The following KCNH5 variants were observed in gnomAD, a reference collection of about 807,000 sequenced individuals.
The protein encoded by KCNH5 is potassium voltage-gated channel subfamily H member 5.
A neutral mutation model predicts 96.1 loss-of-function variants in KCNH5; 46 were observed. The ratio of observed to expected loss-of-function variants is 0.48; its 90% confidence interval spans 0.38 to 0.61. The LOEUF is 0.61. Ranked by LOEUF, KCNH5 falls within the 20% of genes least tolerant of loss-of-function variation. The pLI is 0.00. For missense variants in KCNH5, 907 were observed against 1,225.8 expected, an observed-to-expected ratio of 0.74 and a Z score of 3.88; for synonymous variants, 439 against 449.8, an observed-to-expected ratio of 0.98 and a Z score of 0.30.
chr14:62,736,073 T>C (rs1339385271), intron 10 of KCNH5, among the ~76,000 whole-genome samples: 2 of 152,200 alleles, frequency 1.3e-5, no homozygotes, highest in Non-Finnish European at 2.9e-5. Context: ...AGTCGATAAA[T>C]TGCTGTTTGT....
chr14:62,820,183 G>C (rs1483505522), intron 8 of KCNH5, among the ~76,000 whole-genome samples: 1 of 152,110 alleles, frequency 6.6e-6, no homozygotes, highest in East Asian at 1.9e-4. Context: ...TAAAAGGAAT[G>C]CTTGGGGAAC....
chr14:62,743,244 A>G lies in KCNH5; in HGVS notation c.2020-34789T>C, dbSNP rs570723908. Among the ~76,000 whole-genome samples, 3 of 152,302 alleles carry G rather than the reference A, an allele frequency of 2.0e-5. No individual in the cohort carries two copies. In the South Asian group the frequency reaches 6.2e-4, roughly 32 times the overall value. ...TAAAAGTATAATGGGCCTCACCCCT[A>G]GAGATTCTAATTTAAATTAGTTTGG... On this transcript the variant is annotated intron_variant, in intron 10 of 10. Coordinates refer to ENST00000322893, the MANE Select transcript of KCNH5 (RefSeq NM_139318.5).
chr14:62,806,528 A>G (rs959760643), intron 8 of KCNH5, among the ~76,000 whole-genome samples: 3 of 152,202 alleles, frequency 2.0e-5, no homozygotes, highest in Non-Finnish European at 4.4e-5. Flanking sequence ...TACAGAAGGG[A>G]CGATACTGAA....
At chr14:62,846,457 C>A (rs926416673) in intron 8 of KCNH5, among the ~76,000 whole-genome samples, 6 of 151,838 alleles carry the variant, frequency 4.0e-5, no homozygotes, top group African/African-American at 1.5e-4. Context: ...TTAATATGTA[C>A]AAAGATAAAT....
At chr14:62,915,440 T>C (rs1889255020) in intron 7 of KCNH5, among the ~76,000 whole-genome samples, 1 of 152,208 alleles carries the variant, frequency 6.6e-6, no homozygotes, top group Admixed American at 6.5e-5. Context: ...ATGCTTATAT[T>C]CTTTCCCAGT....
At chr14:62,833,327 A>G (rs370319667) in intron 8 of KCNH5, among the ~76,000 whole-genome samples, 1 of 151,890 alleles carries the variant, frequency 6.6e-6, no homozygotes, top group African/African-American at 2.4e-5. Flanking sequence ...TATGTATAAT[A>G]TAGGGGTTTA....
intron 9 of KCNH5, among the ~76,000 whole-genome samples, chr14:62,797,563 T>C (rs1469031399): frequency 1.3e-5 from 2 of 152,310 alleles, no homozygotes; most frequent in East Asian, 1.9e-4. Flanking sequence ...GGAAGAAATA[T>C]AACTACAGCA....
chr14:62,931,557 T>C (rs529191693), intron 7 of KCNH5, among the ~76,000 whole-genome samples: 26 of 152,256 alleles, frequency 1.7e-4, no homozygotes, highest in Admixed American at 1.5e-3. Context: ...CTGGAAAGCA[T>C]AGGACAAGTA....
At chr14:62,710,765 C>A (rs994084111) in intron 10 of KCNH5, among the ~76,000 whole-genome samples, 2 of 152,104 alleles carry the variant, frequency 1.3e-5, no homozygotes, top group East Asian at 1.9e-4. Flanking sequence ...GTGGTAGGCA[C>A]ACAGGAAGGT....
chr14:62,725,397 T>G (rs773118909), intron 10 of KCNH5, among the ~76,000 whole-genome samples: 2 of 152,212 alleles, frequency 1.3e-5, no homozygotes, highest in African/African-American at 4.8e-5. Context: ...CTTTGGGCAG[T>G]GTGAGAAGAG....
intron 8 of KCNH5, among the ~76,000 whole-genome samples, chr14:62,844,926 C>T (rs770656756): frequency 2.0e-5 from 3 of 151,922 alleles, no homozygotes; most frequent in African/African-American, 4.8e-5. Context: ...GTCATTGGGG[C>T]GAAGGTTTTT....
intron 4 of KCNH5, among the ~76,000 whole-genome samples, chr14:62,991,748 C>T (rs894046249): frequency 2.0e-5 from 3 of 152,000 alleles, no homozygotes; most frequent in Admixed American, 1.3e-4. Context: ...AACACCTATG[C>T]TGTCCTTCTC....
In KCNH5 at chr14:62,817,112, C is replaced by G. The variant is rs1382616477; in HGVS notation, c.1570-14531G>C. ...ATATATTATATATAATTATATATGA[C>G]ATAATATATTTATTATAATATATAA... is the stretch of plus-strand genomic sequence containing the variant. On this transcript the variant is annotated intron_variant, in intron 8 of 10. Transcript: ENST00000322893. Among the ~76,000 whole-genome samples the G allele has an allele frequency of 9.2e-5, 12 of 130,542 alleles. No individual in the cohort carries two copies. In the East Asian group the frequency reaches 2.6e-3, roughly 28 times the overall value. 85.6% of individuals were successfully genotyped at this position (130,542 alleles called of 152,430 possible).
At chr14:62,945,078 A>T (rs1889860932) in intron 7 of KCNH5, among the ~76,000 whole-genome samples, 3 of 152,302 alleles carry the variant, frequency 2.0e-5, no homozygotes, top group Admixed American at 2.0e-4. Flanking sequence ...TTGGCTATTC[A>T]TGAAGGAGAG....
At chr14:62,847,152 T>TA (rs200120945) in intron 8 of KCNH5, among the ~76,000 whole-genome samples, 14,558 of 147,422 alleles carry the variant, frequency 0.099, 973 homozygotes, top group East Asian at 0.29. Flanking sequence ...TTATATATTT[T>TA]TTATATATAT....
intron 7 of KCNH5, among the ~76,000 whole-genome samples, chr14:62,928,018 C>G (rs1889507784): frequency 6.6e-6 from 1 of 152,086 alleles, no homozygotes; most frequent in South Asian, 2.1e-4. Flanking sequence ...AGAGAGATAA[C>G]TATGCCACTG....
rs541261874 is a variant in KCNH5 at position 62,796,059 on chromosome 14, A to G, written c.1822+6270T>C. On this transcript the variant is annotated intron_variant, in intron 9 of 10. Transcript: ENST00000322893. ...TAGACAATGACACAAATCAGGCCAGAAAGAAGAGCAAAAGCCAGACCCAAA... is the reference window on the plus strand; with the variant it reads ...TAGACAATGACACAAATCAGGCCAGGAAGAAGAGCAAAAGCCAGACCCAAA... Among the ~76,000 whole-genome samples, 27 of 152,288 alleles carry G rather than the reference A, an allele frequency of 1.8e-4. No homozygotes were observed. The South Asian group carries it at 5.6e-3, about 32-fold the overall frequency.
intron 8 of KCNH5, among the ~76,000 whole-genome samples, chr14:62,818,976 A>C (rs1056323811): frequency 1.3e-5 from 2 of 151,986 alleles, no homozygotes; most frequent in Non-Finnish European, 2.9e-5. Flanking sequence ...TTATCTATTT[A>C]TTTTTTTTGA....
intron 7 of KCNH5, among the ~76,000 whole-genome samples, chr14:62,853,869 T>C (rs1449618715): frequency 6.6e-6 from 1 of 151,892 alleles, no homozygotes; most frequent in Non-Finnish European, 1.5e-5. Flanking sequence ...TAGCTGGGCA[T>C]GGTGGTGCAC....
Sources: gnomAD v4.1 joint callset for allele counts (sites outside exome capture counted in the v4.1 genomes callset) on GRCh38, gnomAD v4.1.1 for gene constraint, MANE v1.5 for transcripts, NCBI Gene and HGNC (gene_info 2026-07-23, HGNC 2026-07-21) for gene names.